Variants in CHAF1A observed in about 807,000 individuals in gnomAD.
CHAF1A encodes the protein CAF-1 subunit A.
Under a neutral mutation model 93.2 loss-of-function variants are expected in CHAF1A, and 5 were observed. The ratio of observed to expected loss-of-function variants is 0.05; its 90% confidence interval spans 0.03 to 0.11. The LOEUF (loss-of-function observed/expected upper bound fraction) is 0.11. CHAF1A is among the 10% of genes least tolerant of loss of function. CHAF1A has a pLI of 1.00. For synonymous variants in CHAF1A, 504 were observed against 510.3 expected (o/e 0.99, Z 0.17); for missense variants, 1,102 against 1,259.9 (o/e 0.87, Z 1.90).
chr19:4,422,447 CCTTGGTCCCT>C lies in CHAF1A; in HGVS notation c.1018-117_1018-108del. Reference sequence around the variant, plus strand: ...TACAGGCGTGAGCCACCATGCCTAGCCTTGGTCCCTCAATTCTGTTCATCCCGTCCAGGCC... The same window carrying C: ...TACAGGCGTGAGCCACCATGCCTAGCCAATTCTGTTCATCCCGTCCAGGCC... On this transcript the variant is annotated intron_variant, in intron 4 of 14. Coordinates refer to ENST00000301280, the MANE Select transcript of CHAF1A (RefSeq NM_005483.3). This position sits in a 1 kb window ranked among gnomAD's most constrained non-coding sequence, Gnocchi z 4.6. The C allele has an allele frequency of 2.3e-6, 2 of 876,906 alleles. No homozygotes were observed. Among genetic ancestry groups the C allele is most frequent in the Non-Finnish European group, 3.5e-6 (2 of 563,688 alleles). 54.3% of individuals were successfully genotyped at this position (876,906 alleles called of 1,614,324 possible).
chr19:4,427,650 C>T (rs541154677), intron 7 of CHAF1A, among the ~76,000 whole-genome samples: 100 of 151,674 alleles, frequency 6.6e-4, no homozygotes, highest in African/African-American at 2.4e-3. Flanking sequence ...TGCAGTGGCA[C>T]GATCTCAGCT....
At position 4,425,268 on chromosome 19, in the gene CHAF1A, A is replaced by G. The variant is rs139955631; in HGVS notation, c.1377+1394A>G. Among the ~76,000 whole-genome samples the G allele has an allele frequency of 6.5e-4, 99 of 152,158 alleles. 1 individual carries two copies. Among genetic ancestry groups the G allele is most frequent in the African/African-American group, 2.3e-3 (96 of 41,530 alleles). On this transcript the variant is annotated intron_variant, in intron 7 of 14. Transcript: ENST00000301280. The stretch of plus-strand genomic sequence containing the variant: ...TTTTACAAAAATTATTTATTTATTT[A>G]GAGACGGAGTATTGCTCTGTCACCC...
At chr19:4,447,467 C>A, downstream of CHAF1A, 2 of 1,503,700 alleles carry the variant, frequency 1.3e-6, no homozygotes, top group Middle Eastern at 2.3e-4. Flanking sequence ...GAGCCCACCG[C>A]CTGGTGTGGG....
chr19:4,404,834 G>A (rs991147679), intron 1 of CHAF1A, among the ~76,000 whole-genome samples: 1 of 150,800 alleles, frequency 6.6e-6, no homozygotes, highest in East Asian at 2.0e-4. Flanking sequence ...CATCTGCTTT[G>A]ATATTATTAG....
At chr19:4,411,200 C>G (rs915910477) in intron 3 of CHAF1A, among the ~76,000 whole-genome samples, 18 of 152,148 alleles carry the variant, frequency 1.2e-4, no homozygotes, top group African/African-American at 4.1e-4. Context: ...CAACCTTGTT[C>G]GCTTTCGGGA....
Position 4,422,661 on chromosome 19 carries a change from C to CAAG in CHAF1A, c.1123_1125dup (p.Lys375dup), listed in dbSNP as rs749727242. On this transcript the variant is annotated inframe_insertion, in exon 5 of 15. Coordinates refer to ENST00000301280, the MANE Select transcript of CHAF1A (RefSeq NM_005483.3). The surrounding 1 kb of genome is among the most constrained non-coding windows in gnomAD (Gnocchi z 4.6). ...AGGCCAAGCGGGCCAAGGAGGAGGC[C>CAAG]AAGAAGAAGAAGGAGGAAGAGAAGG... 6.2e-7 allele frequency: 1 copy of CAAG among 1,607,102 alleles called. No homozygotes were observed. The highest frequency in any genetic ancestry group is 8.5e-7 in the Non-Finnish European group (1 of 1,176,884).
downstream of CHAF1A, chr19:4,448,419 G>A: frequency 6.2e-7 from 1 of 1,603,390 alleles, no homozygotes; most frequent in Non-Finnish European, 8.5e-7. Flanking sequence ...AGAAGTGCTG[G>A]GAGGAGGGAA....
intron 6 of CHAF1A, 72 bp from the exon 7 acceptor site, chr19:4,423,734 C>T: frequency 6.9e-7 from 1 of 1,451,090 alleles, no homozygotes; most frequent in South Asian, 1.1e-5. Flanking sequence ...TTCTGGGGGC[C>T]TTTGCATGTT....
intron 13 of CHAF1A, among the ~76,000 whole-genome samples, chr19:4,439,573 A>C (rs767131085): frequency 6.6e-6 from 1 of 152,194 alleles, no homozygotes; most frequent in Admixed American, 6.5e-5. Context: ...TAATGTGTCA[A>C]CGCGTCTCCT....
Position 4,409,695 on chromosome 19 carries a change from C to T in CHAF1A, c.896C>T (p.Pro299Leu), listed in dbSNP as rs769961874. The change falls in exon 3 of 15, where the codon CCG becomes CTG. Residue 299 changes from proline to leucine, a missense_variant. By Grantham distance (98) the Pro-to-Leu change is moderately conservative. Transcript: ENST00000301280. ...SPSSTSSPEG[P>L]PAPPKQHSST... ...TCTTCCACCAGCTCGCCCGAGGGGC[C>T]GCCTGCTCCCCCAAAGCAGCACAGC... The T allele has an allele frequency of 3.9e-5, 63 of 1,614,018 alleles. No individual in the cohort carries two copies. The highest frequency in any genetic ancestry group is 8.9e-5 in the East Asian group (4 of 44,888).
At chr19:4,446,761 G>A (rs779110246), downstream of CHAF1A, 14 of 1,611,780 alleles carry the variant, frequency 8.7e-6, no homozygotes, top group Admixed American at 2.2e-4. Context: ...GCAATGGAGA[G>A]ACCCCCAAGC....
At chr19:4,430,950 T>G in intron 11 of CHAF1A, 1 of 369,656 alleles carries the variant, frequency 2.7e-6, no homozygotes, top group Non-Finnish European at 5.1e-6. Context: ...ACAGTCAGCA[T>G]GCAGCAAGAC....
At position 4,409,639 on chromosome 19, in the gene CHAF1A, T is replaced by G; in HGVS notation, c.840T>G (p.Ser280=). 1.9e-6 allele frequency: 3 copies of G among 1,614,198 alleles called. No individual in the cohort carries two copies. The highest frequency in any genetic ancestry group is 2.5e-6 in the Non-Finnish European group (3 of 1,180,034). The change falls in exon 3 of 15, where the codon TCT becomes TCG. Residue 280 remains serine, a synonymous_variant. Coordinates refer to ENST00000301280, the MANE Select transcript of CHAF1A (RefSeq NM_005483.3). ...TGGAATCTTTCCCCGAAGAAGACTC[T>G]GTACTCAGCCATTCGTCCCTGAGCT... The part of the protein sequence containing the change: ...EVLESFPEED[S]VLSHSSLSSP...
chr19:4,430,512 T>C, intron 10 of CHAF1A, 37 bp from the exon 11 acceptor site: 2 of 1,433,876 alleles, frequency 1.4e-6, no homozygotes, highest in Non-Finnish European at 2.0e-6. Context: ...ACTCTGCTTT[T>C]CTATCTGATG....
intron 13 of CHAF1A, among the ~76,000 whole-genome samples, chr19:4,440,939 G>A (rs567065718): frequency 8.0e-5 from 12 of 150,014 alleles, no homozygotes; most frequent in Admixed American, 4.7e-4. Context: ...CCAACATGGC[G>A]AAACCCCCGT....
Position 4,409,596 on chromosome 19 carries a change from C to T in CHAF1A, c.797C>T (p.Thr266Ile). ...LPATPQGKNM[T>I]PESEVLESFP... is the part of the protein sequence containing the mutation. ...GCCACACCCCAAGGCAAGAACATGA[C>T]CCCTGAGAGTGAGGTGCTGGAATCT... The change falls in exon 3 of 15, where the codon ACC becomes ATC. Residue 266 changes from threonine (T) to isoleucine (I), a missense_variant. By Grantham distance (89) the Thr-to-Ile change is moderately conservative. This residue lies in a region of CHAF1A where 379 missense variants were observed against 365.7 expected (regional missense o/e 1.04). Transcript: ENST00000301280. 2 of 1,614,130 alleles carry T rather than the reference C, an allele frequency of 1.2e-6. No homozygotes were observed. The highest frequency in any genetic ancestry group is 1.1e-5 in the South Asian group (1 of 91,070).
At chr19:4,429,061 G>T (rs935031700) in intron 8 of CHAF1A, 171 bp downstream of exon 8, 81 of 610,272 alleles carry the variant, frequency 1.3e-4, no homozygotes, top group Non-Finnish European at 2.1e-4. Flanking sequence ...TGGCCTTCCT[G>T]TAAGCTCCTG....
At chr19:4,412,176 C>G (rs375849756) in intron 3 of CHAF1A, among the ~76,000 whole-genome samples, 6 of 152,296 alleles carry the variant, frequency 3.9e-5, no homozygotes, top group African/African-American at 1.4e-4. Context: ...AGTGTACATT[C>G]GATCACTTGA....
At chr19:4,408,832 G>A (rs1973734133) in intron 2 of CHAF1A, 71 bp from the exon 3 acceptor site, 4 of 1,519,432 alleles carry the variant, frequency 2.6e-6, no homozygotes, top group Non-Finnish European at 1.8e-6. Flanking sequence ...CAACAAATCA[G>A]TAATTTTCAA....
Sources: allele counts gnomAD v4.1 joint callset (sites outside exome capture counted in the v4.1 genomes callset), GRCh38; gene constraint gnomAD v4.1.1; regional missense constraint gnomAD v4.1.1; non-coding constraint Gnocchi (gnomAD v3.1); transcripts MANE v1.5; gene names NCBI Gene and HGNC (gene_info 2026-07-23, HGNC 2026-07-21).